Variants in GNG13 observed in about 807,000 individuals in gnomAD.
GNG13 encodes the protein G protein subunit gamma 13.
GNG13 carries 12 observed loss-of-function variants against 8.2 expected under a neutral mutation model. The ratio of observed to expected loss-of-function variants is 1.47; its 90% CI spans 0.94 to 2.38. GNG13 has a LOEUF of 2.38. Ranked by LOEUF, GNG13 falls within the 30% of genes most tolerant of loss-of-function variation. The pLI is 0.00. For missense variants in GNG13, 100 were observed against 85.2 expected (o/e 1.17, Z -0.68); for synonymous variants, 45 against 33.0 (o/e 1.37, Z -1.25).
intron 2 of GNG13, 58 bp downstream of exon 2, chr16:798,922 T>C: frequency 2.9e-6 from 4 of 1,373,076 alleles, no homozygotes; most frequent in Non-Finnish European, 3.1e-6. Flanking sequence ...GCTATGGAAA[T>C]GAGCAGCCAG....
In GNG13 at chr16:798,805, C is replaced by A. The variant is rs775328510; in HGVS notation, c.118G>T (p.Asp40Tyr). ...AGGAAGGGGTCCTTGGGGATCCCGT[C>A]CTCGATCCACTTCAGCAGCCTGCGG... is the stretch of plus-strand genomic sequence containing the variant. ...TIPELLKWIE[D>Y]GIPKDPFLNP... is the part of the protein sequence containing the mutation. Residue 40 changes from aspartate to tyrosine, a missense_variant, in exon 3 of 3, where the codon GAC becomes TAC. By Grantham distance (160) the Asp-to-Tyr change is radical. Transcript: ENST00000248150. The A allele has an allele frequency of 8.1e-6, 13 of 1,612,114 alleles. No individual in the cohort carries two copies. The highest frequency in any genetic ancestry group is 1.0e-5 in the Non-Finnish European group (12 of 1,178,902).
Position 798,640 on chromosome 16 carries a change from G to A in GNG13, c.*79C>T, listed in dbSNP as rs2042419527. ...CTCACAGGATGGAGTGAGTGGGGCTGGGCACAGTCTTACAAGATGGTGGGA... is the reference window on the plus strand; with the variant it reads ...CTCACAGGATGGAGTGAGTGGGGCTAGGCACAGTCTTACAAGATGGTGGGA... On this transcript the variant is annotated 3_prime_UTR_variant, in exon 3 of 3. Coordinates refer to ENST00000248150, the MANE Select transcript of GNG13 (RefSeq NM_016541.3). The A allele has an allele frequency of 1.1e-6, 1 of 895,608 alleles. No individual in the cohort carries two copies. The highest frequency in any genetic ancestry group is 1.9e-6 in the Non-Finnish European group (1 of 530,888). 55.5% of individuals were successfully genotyped at this position (895,608 alleles called of 1,614,324 possible).
At position 798,515 on chromosome 16, in the gene GNG13, C is replaced by T. The variant is rs1000968959; in HGVS notation, c.*204G>A. 4.6e-6 allele frequency: 3 copies of T among 655,956 alleles called. No individual in the cohort carries two copies. Among genetic ancestry groups the T allele is most frequent in the South Asian group, 3.2e-5 (2 of 62,530 alleles). 40.6% of individuals were successfully genotyped at this position (655,956 alleles called of 1,614,324 possible). A position where few individuals can be genotyped will look rare whatever the true frequency, so the allele number is the denominator to read the frequency against. On this transcript the variant is annotated 3_prime_UTR_variant, in exon 3 of 3. Coordinates refer to ENST00000248150, the MANE Select transcript of GNG13 (RefSeq NM_016541.3). ...GTGAATGGGGCTGGGCATAGTCTTA[C>T]AAGATGGAGTGAGTGGGGCCGGGAG...
chr16:798,557 G>C lies in GNG13; in HGVS notation c.*162C>G. ...GGCCGGGAGTGGGGCTCACAGGTTG[G>C]TGTGAGTGGGGCCGGGCATGGGCTC... On this transcript the variant is annotated 3_prime_UTR_variant, in exon 3 of 3. Transcript: ENST00000248150. 1.4e-6 allele frequency: 1 copy of C among 710,002 alleles called. No homozygotes were observed. The highest frequency in any genetic ancestry group is 2.6e-6 in the Non-Finnish European group (1 of 388,776). 44.0% of individuals were successfully genotyped at this position (710,002 alleles called of 1,614,324 possible).
chr16:799,723 G>A (rs183087066), intron 1 of GNG13, among the ~76,000 whole-genome samples: 40 of 152,066 alleles, frequency 2.6e-4, no homozygotes, highest in African/African-American at 7.7e-4. Context: ...AACCACACAC[G>A]TTACCTGCGT....
chr16:799,099 AG>A lies in GNG13; in HGVS notation c.-23del. On this transcript the variant is annotated 5_prime_UTR_variant, in exon 2 of 3. Coordinates refer to ENST00000248150, the MANE Select transcript of GNG13 (RefSeq NM_016541.3). ...CCATGGGGTCAGGGGCTTCTGAAGC[AG>A]CCAGCCTGGGGCTGGAGGGCACAGG... is the stretch of plus-strand genomic sequence containing the variant. 5 of 1,462,124 alleles carry A rather than the reference AG, an allele frequency of 3.4e-6. No individual in the cohort carries two copies. The highest frequency in any genetic ancestry group is 4.8e-6 in the Non-Finnish European group (5 of 1,043,520). 90.6% of individuals were successfully genotyped at this position (1,462,124 alleles called of 1,614,324 possible). A position where few individuals can be genotyped will look rare whatever the true frequency, so the allele number is the denominator to read the frequency against.
Position 798,056 on chromosome 16 carries a change from A to C in GNG13, c.*663T>G, listed in dbSNP as rs544143627. 5.9e-6 allele frequency: 9 copies of C among 1,513,796 alleles called. No homozygotes were observed. The African/African-American group carries it at 1.2e-4, about 21-fold the overall frequency. 93.8% of individuals were successfully genotyped at this position (1,513,796 alleles called of 1,614,324 possible). A position where few individuals can be genotyped will look rare whatever the true frequency, so the allele number is the denominator to read the frequency against. ...AAGCTGGAGATGTCTTTATAAAGTC[A>C]CACCTTTACAGACTGTAATCACGTG... On this transcript the variant is annotated 3_prime_UTR_variant, in exon 3 of 3. Transcript: ENST00000248150.
At position 799,107 on chromosome 16, in the gene GNG13, T is replaced by G; in HGVS notation, c.-30A>C. 7.2e-7 allele frequency: 1 copy of G among 1,381,380 alleles called. No individual in the cohort carries two copies. 85.6% of individuals were successfully genotyped at this position (1,381,380 alleles called of 1,614,324 possible). On this transcript the variant is annotated 5_prime_UTR_variant, in exon 2 of 3. Coordinates refer to ENST00000248150, the MANE Select transcript of GNG13 (RefSeq NM_016541.3). ...TCAGGGGCTTCTGAAGCAGCCAGCCTGGGGCTGGAGGGCACAGGAGGAAGC... is the reference window on the plus strand; with the variant it reads ...TCAGGGGCTTCTGAAGCAGCCAGCCGGGGGCTGGAGGGCACAGGAGGAAGC...
At position 798,771 on chromosome 16, in the gene GNG13, T is replaced by A; in HGVS notation, c.152A>T (p.Asp51Val). ...GIPKDPFLNP[D>V]LMKNNPWVEK... ...CACCCATGGGTTGTTCTTCATCAGGTCGGGGTTCAGGAAGGGGTCCTTGGG... is the reference window on the plus strand; with the variant it reads ...CACCCATGGGTTGTTCTTCATCAGGACGGGGTTCAGGAAGGGGTCCTTGGG... The change falls in exon 3 of 3, where the codon GAC becomes GTC. Residue 51 changes from aspartate (D) to valine (V), a missense_variant. Asp to Val is a radical substitution (Grantham distance 152). Transcript: ENST00000248150. The A allele has an allele frequency of 6.2e-7, 1 of 1,613,292 alleles. No individual in the cohort carries two copies. The highest frequency in any genetic ancestry group is 8.5e-7 in the Non-Finnish European group (1 of 1,179,674).
chr16:800,302 C>T (rs1049017631), intron 1 of GNG13, among the ~76,000 whole-genome samples: 3 of 152,190 alleles, frequency 2.0e-5, no homozygotes, highest in East Asian at 1.9e-4. Flanking sequence ...TAGCTGCGTG[C>T]GGGTCCTCCC....
chr16:798,228 G>T lies in GNG13; in HGVS notation c.*491C>A, dbSNP rs539469370. ...CAGGATAGAGTGAGTGGGGCCGGGC[G>T]TGGTCTCACAGGATGGAGTGAATGG... On this transcript the variant is annotated 3_prime_UTR_variant, in exon 3 of 3. Transcript: ENST00000248150. 2 of 610,596 alleles carry T rather than the reference G, an allele frequency of 3.3e-6. No individual in the cohort carries two copies. The highest frequency in any genetic ancestry group is 4.0e-5 in the African/African-American group (2 of 49,894). 37.8% of individuals were successfully genotyped at this position (610,596 alleles called of 1,614,324 possible).
At position 799,086 on chromosome 16, in the gene GNG13, G is replaced by C; in HGVS notation, c.-9C>G. The C allele has an allele frequency of 6.4e-7, 1 of 1,561,864 alleles. No homozygotes were observed. On this transcript the variant is annotated 5_prime_UTR_variant, in exon 2 of 3. Transcript: ENST00000248150. ...ACGTCCCACTCCTCCATGGGGTCAG[G>C]GGCTTCTGAAGCAGCCAGCCTGGGG...
rs200039681 is a variant in GNG13 at position 798,981 on chromosome 16, C to G, written c.97G>C (p.Glu33Gln). The change falls in exon 2 of 3, where the codon GAG (glutamate) becomes CAG (glutamine). Residue 33 changes from glutamate to glutamine, a missense_variant and splice_region_variant. Physicochemically the swap from Glu to Gln is conservative, Grantham distance 29 (BLOSUM62 2). Transcript: ENST00000248150. ...QREMASKTIPELLKWIEDGIP... is the reference protein window; with the variant it reads ...QREMASKTIPQLLKWIEDGIP... ...AAATCAGGCAGGTGGGGCACTCACTCGGGGATGGTCTTGGACGCCATCTCC... is the reference window on the plus strand; with the variant it reads ...AAATCAGGCAGGTGGGGCACTCACTGGGGGATGGTCTTGGACGCCATCTCC... 1.8e-5 allele frequency: 29 copies of G among 1,581,248 alleles called. No homozygotes were observed. In the East Asian group the frequency reaches 6.3e-4, roughly 34 times the overall value.
At chr16:798,926 C>T in intron 2 of GNG13, 54 bp downstream of exon 2, 1 of 1,364,320 alleles carries the variant, frequency 7.3e-7, no homozygotes, top group Non-Finnish European at 1.0e-6. Context: ...TGGAAATGAG[C>T]AGCCAGCGCA....
intron 1 of GNG13, among the ~76,000 whole-genome samples, chr16:800,335 G>T (rs576846167): frequency 6.6e-6 from 1 of 152,258 alleles, no homozygotes. Flanking sequence ...TTGGCGCCCC[G>T]CCCACAGCCC....
rs1442632014 is a variant in GNG13 at position 799,142 on chromosome 16, G to C, written c.-34-31C>G. On this transcript the variant is annotated intron_variant, in intron 1 of 2. Coordinates refer to ENST00000248150, the MANE Select transcript of GNG13 (RefSeq NM_016541.3). ...GGGCACAGGAGGAAGCCACAGGGCC[G>C]AGGCCACCAGCCTGTAGTCCCCACC... 3.3e-6 allele frequency: 3 copies of C among 914,172 alleles called. No homozygotes were observed. The African/African-American group carries it at 4.9e-5, about 15-fold the overall frequency. The allele number at this position is 914,172 out of a possible 1,614,324, so 56.6% of individuals were successfully genotyped here.
At chr16:800,264 C>T (rs1297882467) in intron 1 of GNG13, among the ~76,000 whole-genome samples, 3 of 152,152 alleles carry the variant, frequency 2.0e-5, no homozygotes, top group Non-Finnish European at 4.4e-5. Context: ...TCTCGGAGAC[C>T]CTACACTCAG....
rs1596780290 is a variant in GNG13, at chr16:798,630, G to A, written c.*89C>T. ...GGGAGTGGGACTCACAGGATGGAGT[G>A]AGTGGGGCTGGGCACAGTCTTACAA... On this transcript the variant is annotated 3_prime_UTR_variant, in exon 3 of 3. Coordinates refer to ENST00000248150, the MANE Select transcript of GNG13 (RefSeq NM_016541.3). The A allele has an allele frequency of 1.2e-6, 1 of 844,766 alleles. No homozygotes were observed. The highest frequency in any genetic ancestry group is 1.7e-5 in the African/African-American group (1 of 59,406). The allele number at this position is 844,766 out of a possible 1,614,324, so 52.3% of individuals were successfully genotyped here.
At chr16:798,928 G>T in intron 2 of GNG13, 52 bp downstream of exon 2, 3 of 1,373,470 alleles carry the variant, frequency 2.2e-6, no homozygotes, top group Non-Finnish European at 2.1e-6. Context: ...GAAATGAGCA[G>T]CCAGCGCAGG....
Sources: gnomAD v4.1 joint callset for allele counts (sites outside exome capture counted in the v4.1 genomes callset) on GRCh38, gnomAD v4.1.1 for gene constraint, MANE v1.5 for transcripts, NCBI Gene and HGNC (gene_info 2026-07-23, HGNC 2026-07-21) for gene names.